The following ANO3 variants were observed in gnomAD, a reference collection of about 807,000 sequenced individuals.
ANO3 encodes anoctamin 3.
ANO3 carries 99 observed loss-of-function variants against 144.8 expected under a neutral mutation model. The ratio of observed to expected loss-of-function variants is 0.68; its 90% CI spans 0.58 to 0.81. The LOEUF (loss-of-function observed/expected upper bound fraction) is 0.81. Among genes scored for constraint, ANO3 ranks in the 30% least tolerant of loss-of-function variants. The pLI, the probability that ANO3 is intolerant of heterozygous loss-of-function variation, is 0.00. For missense variants in ANO3, 905 were observed against 1,202.2 expected (o/e 0.75, Z 3.66); for synonymous variants, 414 against 392.6 (o/e 1.05, Z -0.64).
At chr11:26,412,013 T>C (rs1857446277) in intron 1 of ANO3, among the ~76,000 whole-genome samples, 1 of 152,016 alleles carries the variant, frequency 6.6e-6, no homozygotes, top group African/African-American at 2.4e-5. Flanking sequence ...AATCAATCAT[T>C]ACACATGTTA....
chr11:26,266,151 A>AT (rs943095132), intron 1 of ANO3, among the ~76,000 whole-genome samples: 2 of 151,936 alleles, frequency 1.3e-5, no homozygotes, highest in Non-Finnish European at 1.5e-5. Context: ...ATCTAGGAGG[A>AT]TTTTTTTTCA....
intron 14 of ANO3, among the ~76,000 whole-genome samples, chr11:26,593,680 A>G (rs1043169304): frequency 1.3e-5 from 2 of 152,162 alleles, no homozygotes; most frequent in Middle Eastern, 3.2e-3. Context: ...TTCCCTTCAC[A>G]TAAGGGGCAT....
rs371009022 is a variant in ANO3, at chr11:26,412,607, T to C, written c.47-29311T>C. ...AGTTGTCCCCATGAATGTAAAGCAC[T>C]GACCAAACCACTGTGGAGGAAATGA... is the stretch of plus-strand genomic sequence containing the variant. On this transcript the variant is annotated intron_variant, in intron 1 of 26. Transcript: ENST00000256737. Among the ~76,000 whole-genome samples, 87 of 152,166 alleles carry C rather than the reference T, an allele frequency of 5.7e-4. No homozygotes were observed. In the South Asian group the frequency reaches 0.018, roughly 31 times the overall value.
intron 16 of ANO3, 39 bp from the exon 17 acceptor site, chr11:26,599,511 G>T: frequency 1.3e-6 from 2 of 1,589,264 alleles, no homozygotes; most frequent in South Asian, 2.3e-5. Flanking sequence ...TGTTAATGAT[G>T]TAAAATATGG....
Position 26,230,797 on chromosome 11 carries a change from CAAAAAAAAAAAAAAAAAAAAAAAAA to C in ANO3, c.154+41484_154+41508del, listed in dbSNP as rs1168180646. 1.3e-3 allele frequency among the ~76,000 whole-genome samples: 15 copies of C among 11,346 alleles called. 1 individual carries two copies. Among genetic ancestry groups the C allele is most frequent in the Admixed American group, 4.0e-3 (2 of 500 alleles). 7.4% of individuals were successfully genotyped at this position (11,346 alleles called of 152,430 possible). On this transcript the variant is annotated intron_variant, in intron 1 of 27. Transcript: ENST00000672621. ...GGGTGACAGAGCATGACTCCATCTC[CAAAAAAAAAAAAAAAAAAAAAAAAA>C]AAAAAAAAAAAAAAAAGTTTATCTT...
chr11:26,537,569 C>T (rs1849543465), intron 10 of ANO3, 108 bp downstream of exon 10: 1 of 938,072 alleles, frequency 1.1e-6, no homozygotes, highest in Admixed American at 1.8e-5. Flanking sequence ...AGGATTCAGT[C>T]TGCAAGTAGC....
At chr11:26,310,327 T>C (rs1280158244) in intron 1 of ANO3, among the ~76,000 whole-genome samples, 1 of 152,210 alleles carries the variant, frequency 6.6e-6, no homozygotes, top group African/African-American at 2.4e-5. Flanking sequence ...AACCAATTGA[T>C]TGGTTATTGG....
intron 1 of ANO3, among the ~76,000 whole-genome samples, chr11:26,228,366 T>C (rs1052073174): frequency 4.6e-5 from 7 of 152,238 alleles, no homozygotes; most frequent in Admixed American, 3.3e-4. Flanking sequence ...CAGGGTCCTG[T>C]CTGTGCTCCT....
At chr11:26,472,882 C>T (rs1423956191) in intron 4 of ANO3, among the ~76,000 whole-genome samples, 3 of 151,776 alleles carry the variant, frequency 2.0e-5, no homozygotes, top group Non-Finnish European at 4.4e-5. Context: ...AAGAAAATAC[C>T]TACAGAATAA....
intron 1 of ANO3, among the ~76,000 whole-genome samples, chr11:26,190,308 A>T (rs1442024439): frequency 6.6e-6 from 1 of 152,108 alleles, no homozygotes; most frequent in Non-Finnish European, 1.5e-5. Context: ...TTTATTGCTC[A>T]TAGATTATTA....
chr11:26,519,137 T>G (rs294008), intron 6 of ANO3, among the ~76,000 whole-genome samples: 6,547 of 152,222 alleles, frequency 0.043, 435 homozygotes, highest in African/African-American at 0.15. Context: ...TGAATTTATG[T>G]ACAAACTAAT....
chr11:26,247,726 C>CTTTTTTTTTTT lies in ANO3; in HGVS notation c.154+58406_154+58416dup, dbSNP rs532538445. Among the ~76,000 whole-genome samples the CTTTTTTTTTTT allele has an allele frequency of 1.9e-4, 20 of 104,188 alleles. 1 individual carries two copies. Among genetic ancestry groups the CTTTTTTTTTTT allele is most frequent in the Non-Finnish European group, 2.5e-4 (14 of 55,996 alleles). The allele number at this position is 104,188 out of a possible 152,430, so 68.4% of individuals were successfully genotyped here. A position where few individuals can be genotyped will look rare whatever the true frequency, so the allele number is the denominator to read the frequency against. ...TTTCATTTAGCTGTAGCTCCAGTCA[C>CTTTTTTTTTTT]TTTTTTTTTTTTTTTTTTTTGAGAC... On this transcript the variant is annotated intron_variant, in intron 1 of 27. Coordinates refer to the ANO3 transcript ENST00000672621.
At chr11:26,599,916 T>G (rs933927957) in intron 17 of ANO3, among the ~76,000 whole-genome samples, 6 of 152,162 alleles carry the variant, frequency 3.9e-5, no homozygotes, top group Admixed American at 6.5e-5. Flanking sequence ...AAATAAATGC[T>G]AATTGTATTA....
chr11:26,378,448 A>G (rs1856479764), intron 1 of ANO3, among the ~76,000 whole-genome samples: 1 of 149,776 alleles, frequency 6.7e-6, no homozygotes, highest in South Asian at 2.1e-4. Flanking sequence ...CTATCTATCT[A>G]TCTATATAGA....
intron 17 of ANO3, among the ~76,000 whole-genome samples, chr11:26,602,070 G>A (rs918631649): frequency 2.6e-5 from 4 of 152,108 alleles, no homozygotes; most frequent in African/African-American, 9.7e-5. Flanking sequence ...TATGATAGTG[G>A]ATCAGAAGAC....
At chr11:26,451,894 A>T (rs886779046) in intron 3 of ANO3, among the ~76,000 whole-genome samples, 2 of 152,168 alleles carry the variant, frequency 1.3e-5, no homozygotes, top group African/African-American at 4.8e-5. Context: ...CAAAACTTCC[A>T]GAGGAACAAT....
chr11:26,355,538 A>C (rs539594649), intron 1 of ANO3, among the ~76,000 whole-genome samples: 1 of 148,048 alleles, frequency 6.8e-6, no homozygotes, highest in South Asian at 2.2e-4. Context: ...TTAATTTGGT[A>C]TCCTGAAATT....
At chr11:26,366,153 C>G (rs576232107) in intron 1 of ANO3, among the ~76,000 whole-genome samples, 4 of 151,940 alleles carry the variant, frequency 2.6e-5, no homozygotes, top group African/African-American at 7.3e-5. Context: ...CCTCCCCTCA[C>G]CCCACAACAG....
In ANO3 at chr11:26,354,650, G is replaced by T. The variant is rs79294203; in HGVS notation, c.46+22329G>T. On this transcript the variant is annotated intron_variant, in intron 1 of 26. Coordinates refer to ENST00000256737, the MANE Select transcript of ANO3 (RefSeq NM_031418.4). Reference sequence around the variant, plus strand: ...CCATATTTCTAAATTGTATACTTATGTTGCAATTTATTTGTTAAATTTAGT... The same window carrying T: ...CCATATTTCTAAATTGTATACTTATTTTGCAATTTATTTGTTAAATTTAGT... Among the ~76,000 whole-genome samples the T allele has an allele frequency of 8.9e-3, 1,357 of 151,866 alleles. 12 individuals carry two copies. Among genetic ancestry groups the T allele is most frequent in the African/African-American group, 0.031 (1,270 of 41,398 alleles).
Sources: allele counts gnomAD v4.1 joint callset (sites outside exome capture counted in the v4.1 genomes callset), GRCh38; gene constraint gnomAD v4.1.1; transcripts MANE v1.5; gene names NCBI Gene and HGNC (gene_info 2026-07-23, HGNC 2026-07-21).